The following PLPBP variants were observed in gnomAD, a reference collection of about 807,000 sequenced individuals.
PLPBP encodes pyridoxal phosphate binding protein, also known as pyridoxal phosphate homeostasis protein.
A neutral mutation model predicts 31.2 loss-of-function variants in PLPBP; 21 were observed. The ratio of observed to expected loss-of-function variants is 0.67; its 90% CI spans 0.48 to 0.97. The LOEUF is 0.97. Ranked by LOEUF, PLPBP falls within the 50% of genes least tolerant of loss-of-function variation. The probability of loss-of-function intolerance (pLI) is 0.00; values close to 1 mark genes in which losing one functional copy is unlikely to be tolerated. For synonymous variants in PLPBP, 124 were observed against 135.6 expected (o/e 0.91, Z 0.59); for missense variants, 308 against 354.4 (o/e 0.87, Z 1.05).
chr8:37,773,023 C>A, intron 5 of PLPBP, 134 bp downstream of exon 5: 1 of 1,195,916 alleles, frequency 8.4e-7, no homozygotes, highest in Non-Finnish European at 1.2e-6. Context: ...TCTAAGTTGG[C>A]TGTTTTATGT....
Position 37,765,588 on chromosome 8 carries a change from G to A in PLPBP, c.162G>A (p.Val54=), listed in dbSNP as rs1178800906. 16 of 1,614,020 alleles carry A rather than the reference G, an allele frequency of 9.9e-6. No homozygotes were observed. Among genetic ancestry groups the A allele is most frequent in the African/African-American group, 1.3e-5 (1 of 74,928 alleles). The change falls in exon 2 of 8, where the codon GTG becomes GTA. Residue 54 remains valine, a synonymous_variant. Transcript: ENST00000328195. ...AVSKTKPADM[V]IEAYGHGQRT... is the part of the protein sequence containing the mutation. ...GCAAAACCAAACCTGCAGACATGGT[G>A]ATCGAGGCCTATGGACATGGGCAGC... is the stretch of plus-strand genomic sequence containing the variant.
intron 4 of PLPBP, among the ~76,000 whole-genome samples, chr8:37,771,987 A>G (rs773759031): frequency 2.0e-5 from 3 of 152,238 alleles, no homozygotes; most frequent in Non-Finnish European, 4.4e-5. Flanking sequence ...TTGCAGAGCA[A>G]AGGAAACAAC....
chr8:37,775,680 T>C (rs144447109), intron 6 of PLPBP, among the ~76,000 whole-genome samples, 199 bp downstream of exon 6: 64 of 152,330 alleles, frequency 4.2e-4, no homozygotes, highest in African/African-American at 1.5e-3. Context: ...TCAACTCAAC[T>C]TGAACTTGGC....
intron 4 of PLPBP, among the ~76,000 whole-genome samples, chr8:37,766,906 G>A (rs113449536): frequency 0.013 from 1,931 of 151,888 alleles, 31 homozygotes; most frequent in African/African-American, 0.044. Context: ...ATAGCTGAGC[G>A]TGGTGGTGCA....
At chr8:37,777,181 A>C (rs967800464) in intron 7 of PLPBP, among the ~76,000 whole-genome samples, 4 of 152,276 alleles carry the variant, frequency 2.6e-5, no homozygotes, top group Non-Finnish European at 5.9e-5. Context: ...ATTTTCTGAA[A>C]TAGCAAATAA....
rs1341738221 is a variant in PLPBP, at chr8:37,762,711, C to T, written c.52C>T (p.Arg18Trp). ...CGAGCTGGGAGTCGGGTGCGCATTG[C>T]GGGCGGTGAACGAGCGCGTGCAGCA... ...SAELGVGCAL[R>W]AVNERVQQAV... The change falls in exon 1 of 8, where the codon CGG becomes TGG. Residue 18 changes from arginine to tryptophan, a missense_variant. Transcript: ENST00000328195. 3.1e-6 allele frequency: 5 copies of T among 1,589,998 alleles called. No homozygotes were observed. Among genetic ancestry groups the T allele is most frequent in the East Asian group, 2.3e-5 (1 of 44,174 alleles).
chr8:37,763,889 C>G (rs1428166994), intron 1 of PLPBP, among the ~76,000 whole-genome samples: 1 of 152,160 alleles, frequency 6.6e-6, no homozygotes, highest in Non-Finnish European at 1.5e-5. Context: ...TACAAGAAGA[C>G]TAAATCGTGC....
chr8:37,769,494 A>G (rs140722645), intron 4 of PLPBP, among the ~76,000 whole-genome samples: 3,173 of 151,802 alleles, frequency 0.021, 41 homozygotes, highest in Non-Finnish European at 0.032. Context: ...TCCAGAATAC[A>G]TAAAGAGCTA....
In PLPBP at chr8:37,765,578, C is replaced by T; in HGVS notation, c.152C>T (p.Ala51Val). ...RLVAVSKTKPADMVIEAYGHG... is the reference protein window; with the variant it reads ...RLVAVSKTKPVDMVIEAYGHG... ...GTGGCGGTCAGCAAAACCAAACCTGCAGACATGGTGATCGAGGCCTATGGA... is the reference window on the plus strand; with the variant it reads ...GTGGCGGTCAGCAAAACCAAACCTGTAGACATGGTGATCGAGGCCTATGGA... The change falls in exon 2 of 8, where the codon GCA becomes GTA. Residue 51 changes from alanine (A) to valine (V), a missense_variant. Ala to Val is a moderately conservative substitution (Grantham distance 64, BLOSUM62 0). Coordinates refer to ENST00000328195, the MANE Select transcript of PLPBP (RefSeq NM_007198.4). The T allele has an allele frequency of 6.2e-7, 1 of 1,614,082 alleles. No homozygotes were observed.
chr8:37,765,583 A>G lies in PLPBP; in HGVS notation c.157A>G (p.Met53Val), dbSNP rs79148472. 4,878 of 1,614,116 alleles carry G rather than the reference A, an allele frequency of 3.0e-3. 39 individuals carry two copies. Among genetic ancestry groups the G allele is most frequent in the South Asian group, 0.011 (1,043 of 91,078 alleles). The change falls in exon 2 of 8, where the codon ATG (methionine) becomes GTG (valine). Residue 53 changes from methionine to valine, a missense_variant. Met to Val is a conservative substitution (Grantham distance 21, BLOSUM62 1). Around this residue, in one of 2 missense-constraint regions of PLPBP, gnomAD observed 120 missense variants for 95.1 expected, o/e 1.26. Transcript: ENST00000328195. ...VAVSKTKPAD[M>V]VIEAYGHGQR... ...GGTCAGCAAAACCAAACCTGCAGAC[A>G]TGGTGATCGAGGCCTATGGACATGG...
chr8:37,764,094 G>GTTGTT (rs930157499), intron 1 of PLPBP, among the ~76,000 whole-genome samples: 62 of 125,798 alleles, frequency 4.9e-4, no homozygotes, highest in Middle Eastern at 4.2e-3. Flanking sequence ...TTTTTGTTGT[G>GTTGTT]TTGTTTTGTT....
intron 4 of PLPBP, among the ~76,000 whole-genome samples, chr8:37,767,075 A>G (rs1308264749): frequency 6.6e-6 from 1 of 151,088 alleles, no homozygotes; most frequent in Non-Finnish European, 1.5e-5. Flanking sequence ...AAAAACAAGA[A>G]TCATAGTAAA....
intron 4 of PLPBP, among the ~76,000 whole-genome samples, chr8:37,769,847 A>C (rs1028050003): frequency 6.6e-6 from 1 of 152,250 alleles, no homozygotes; most frequent in Admixed American, 6.5e-5. Flanking sequence ...CTATATGCCA[A>C]CAGTGAATGA....
At chr8:37,771,944 A>C (rs1194155922) in intron 4 of PLPBP, among the ~76,000 whole-genome samples, 1 of 152,226 alleles carries the variant, frequency 6.6e-6, no homozygotes, top group African/African-American at 2.4e-5. Context: ...TGGGCGACAG[A>C]GCGAGACTCT....
intron 5 of PLPBP, 151 bp downstream of exon 5, chr8:37,773,040 T>G (rs1022337243): frequency 3.2e-6 from 3 of 938,080 alleles, no homozygotes; most frequent in Admixed American, 2.5e-5. Context: ...ATGTGTGATC[T>G]AGGTAGCATA....
chr8:37,762,968 CA>C (rs939250638), intron 1 of PLPBP, among the ~76,000 whole-genome samples: 6 of 152,144 alleles, frequency 3.9e-5, no homozygotes, highest in African/African-American at 1.4e-4. Flanking sequence ...TTCGTTGGAG[CA>C]GAGGGTACCG....
At chr8:37,777,393 G>C (rs1045402978) in intron 7 of PLPBP, among the ~76,000 whole-genome samples, 1 of 152,122 alleles carries the variant, frequency 6.6e-6, no homozygotes, top group Non-Finnish European at 1.5e-5. Flanking sequence ...CACACTGGAC[G>C]TCTAATGTCC....
intron 4 of PLPBP, among the ~76,000 whole-genome samples, chr8:37,768,465 CTTTTTTTTTTTT>C (rs903134254): frequency 1.3e-5 from 1 of 76,830 alleles, no homozygotes; most frequent in East Asian, 4.3e-4. Context: ...TTTTGATTTT[CTTTTTTTTTTTT>C]TTTTTTTTTT....
chr8:37,764,018 A>C (rs1445519279), intron 1 of PLPBP, among the ~76,000 whole-genome samples: 2 of 150,342 alleles, frequency 1.3e-5, no homozygotes, highest in African/African-American at 4.9e-5. Flanking sequence ...TCTGATCCTG[A>C]ATCCAGAATT....
Sources: allele counts gnomAD v4.1 joint callset (sites outside exome capture counted in the v4.1 genomes callset), GRCh38; gene constraint gnomAD v4.1.1; regional missense constraint gnomAD v4.1.1; transcripts MANE v1.5; gene names NCBI Gene and HGNC (gene_info 2026-07-23, HGNC 2026-07-21).